ZMYND8: variants seen among roughly 807,000 people sequenced by gnomAD.
ZMYND8 encodes the protein MYND-type zinc finger-containing chromatin reader ZMYND8.
ZMYND8 carries 37 observed loss-of-function variants against 140.8 expected under a neutral mutation model. The ratio of observed to expected loss-of-function variants is 0.26; its 90% CI spans 0.20 to 0.35. The LOEUF is 0.35. Among genes scored for constraint, ZMYND8 ranks in the 10% least tolerant of loss-of-function variants. ZMYND8 has a pLI of 1.00. For missense variants in ZMYND8, 1,068 were observed against 1,570.0 expected, an observed-to-expected ratio of 0.68 and a Z score of 5.40; for synonymous variants, 592 against 597.1, an observed-to-expected ratio of 0.99 and a Z score of 0.12.
chr20:47,291,635 G>C lies in ZMYND8; in HGVS notation c.660+161C>G, dbSNP rs73910828. Among the ~76,000 whole-genome samples the C allele has an allele frequency of 4.3e-3, 660 of 152,312 alleles. 1 individual carries two copies. The highest frequency in any genetic ancestry group is 0.015 in the African/African-American group (629 of 41,578). ...AATGTTACAAAGGAAAGACGTTAGA[G>C]AATCAAGAGTTCTTCTATCCAAATA... On this transcript the variant is annotated intron_variant, in intron 6 of 22. Transcript: ENST00000471951.
intron 1 of ZMYND8, chr20:47,350,050 T>C (rs992686800): frequency 9.1e-6 from 13 of 1,433,746 alleles, no homozygotes; most frequent in Non-Finnish European, 1.1e-5. Context: ...AGTTTTAAGA[T>C]AATCAATGCT....
chr20:47,324,240 G>A (rs1247124267), intron 2 of ZMYND8, among the ~76,000 whole-genome samples: 1 of 150,180 alleles, frequency 6.7e-6, no homozygotes, highest in Non-Finnish European at 1.5e-5. Context: ...ACCTTTACCG[G>A]TCGTGGTGTC....
chr20:47,294,936 G>A (rs2077546667), intron 4 of ZMYND8, among the ~76,000 whole-genome samples, 157 bp from the exon 5 acceptor site: 1 of 152,178 alleles, frequency 6.6e-6, no homozygotes, highest in South Asian at 2.1e-4. Flanking sequence ...GGAACAAAAT[G>A]TACCAGATCA....
At chr20:47,219,105 T>A (rs2036562315) in intron 21 of ZMYND8, among the ~76,000 whole-genome samples, 1 of 145,752 alleles carries the variant, frequency 6.9e-6, no homozygotes, top group African/African-American at 2.5e-5. Context: ...TCTTCCAGGC[T>A]GGAGCGCAGT....
At chr20:47,308,527 G>A (rs2078680584) in intron 3 of ZMYND8, among the ~76,000 whole-genome samples, 1 of 152,090 alleles carries the variant, frequency 6.6e-6, no homozygotes, top group South Asian at 2.1e-4. Flanking sequence ...GGCCAGACAT[G>A]AGCATTTTTA....
intron 15 of ZMYND8, 142 bp downstream of exon 15, chr20:47,238,616 G>A: frequency 7.2e-7 from 1 of 1,397,534 alleles, no homozygotes; most frequent in Non-Finnish European, 9.6e-7. Flanking sequence ...AATGCCAAAT[G>A]GAATGTGCAA....
intron 2 of ZMYND8, chr20:47,318,384 C>T (rs886902824): frequency 1.9e-5 from 6 of 319,518 alleles, no homozygotes; most frequent in African/African-American, 1.3e-4. Context: ...CAAAGCGTTT[C>T]CCAAAGACAC....
intron 2 of ZMYND8, among the ~76,000 whole-genome samples, chr20:47,313,329 A>C (rs1354542066): frequency 2.0e-5 from 3 of 152,170 alleles, no homozygotes; most frequent in Non-Finnish European, 2.9e-5. Context: ...AAAATATAAA[A>C]ATTAGGCTGG....
chr20:47,298,183 GAAA>G lies in ZMYND8; in HGVS notation c.453+543_453+545del. ...TTTTGGTTTTTGTCCTTTTCTGCTG[GAAA>G]AAAAAAAATGATCCATGCCTGTTTT... On this transcript the variant is annotated intron_variant, in intron 4 of 22. Transcript: ENST00000471951. This position sits in a 1 kb window ranked among gnomAD's most constrained non-coding sequence, Gnocchi z 5.0. 1.4e-6 allele frequency: 1 copy of G among 706,942 alleles called. No homozygotes were observed. Among genetic ancestry groups the G allele is most frequent in the Non-Finnish European group, 1.7e-6 (1 of 579,498 alleles). The allele number at this position is 706,942 out of a possible 1,614,324, so 43.8% of individuals were successfully genotyped here.
intron 17 of ZMYND8, 57 bp from the exon 18 acceptor site, chr20:47,227,338 G>T: frequency 6.5e-7 from 1 of 1,535,132 alleles, no homozygotes; most frequent in Non-Finnish European, 9.0e-7. Context: ...CACCAGGAGG[G>T]CTCAGAAGCT....
At chr20:47,258,181 C>G (rs113825543) in intron 12 of ZMYND8, among the ~76,000 whole-genome samples, 1 of 152,184 alleles carries the variant, frequency 6.6e-6, no homozygotes. Context: ...CACCTTACCC[C>G]CTGACCCCCA....
At chr20:47,340,675 T>C (rs909590498) in intron 2 of ZMYND8, among the ~76,000 whole-genome samples, 38 of 151,930 alleles carry the variant, frequency 2.5e-4, no homozygotes, top group Non-Finnish European at 4.7e-4. Context: ...ATGCCCCAGC[T>C]ACTCAGGAGG....
At chr20:47,325,789 TTTTG>T (rs776359958) in intron 2 of ZMYND8, among the ~76,000 whole-genome samples, 6 of 151,630 alleles carry the variant, frequency 4.0e-5, no homozygotes, top group Admixed American at 2.0e-4. Flanking sequence ...TTCCATTTTG[TTTTG>T]TTTTTTTTTT....
intron 2 of ZMYND8, chr20:47,318,915 T>C (rs750715961): frequency 1.9e-5 from 25 of 1,338,560 alleles, no homozygotes; most frequent in Non-Finnish European, 2.4e-5. Flanking sequence ...AGGCAGAACA[T>C]GCGAGGGGCA....
chr20:47,331,354 A>T (rs2080925046), intron 2 of ZMYND8, among the ~76,000 whole-genome samples: 1 of 152,142 alleles, frequency 6.6e-6, no homozygotes, highest in African/African-American at 2.4e-5. Flanking sequence ...CGATATTGTA[A>T]GAAAATGACA....
chr20:47,302,693 A>G (rs1412503867), intron 3 of ZMYND8, among the ~76,000 whole-genome samples: 1 of 147,758 alleles, frequency 6.8e-6, no homozygotes, highest in Non-Finnish European at 1.5e-5. Flanking sequence ...GTCTCCCAGC[A>G]CACTCTCTCT....
intron 11 of ZMYND8, among the ~76,000 whole-genome samples, chr20:47,266,833 T>G (rs971357632): frequency 5.3e-5 from 8 of 152,224 alleles, no homozygotes; most frequent in African/African-American, 1.2e-4. Context: ...GTGTGTGTGG[T>G]GTGTGGTGTG....
At chr20:47,339,497 G>C (rs2081656784) in intron 2 of ZMYND8, among the ~76,000 whole-genome samples, 1 of 151,952 alleles carries the variant, frequency 6.6e-6, no homozygotes, top group East Asian at 1.9e-4. Context: ...TCTTTTTTGA[G>C]ACGGAGTCTC....
chr20:47,257,373 C>A (rs1238399736), intron 12 of ZMYND8, among the ~76,000 whole-genome samples: 1 of 151,758 alleles, frequency 6.6e-6, no homozygotes, highest in African/African-American at 2.4e-5. Flanking sequence ...CACACAAATA[C>A]CATATACTCA....
Sources: allele counts gnomAD v4.1 joint callset (sites outside exome capture counted in the v4.1 genomes callset), GRCh38; gene constraint gnomAD v4.1.1; non-coding constraint Gnocchi (gnomAD v3.1); transcripts MANE v1.5; gene names NCBI Gene and HGNC (gene_info 2026-07-23, HGNC 2026-07-21).